The following WSCD2 variants were observed in gnomAD, a reference collection of about 807,000 sequenced individuals.
WSCD2 encodes WSC domain sialate O sulfotransferase 2.
In WSCD2, 28 loss-of-function variants were observed where a neutral mutation model predicts 55.7. The ratio of observed to expected loss-of-function variants is 0.50; its 90% confidence interval spans 0.37 to 0.69. WSCD2 has a LOEUF of 0.69. WSCD2 is among the 30% of genes least tolerant of loss of function. The probability of loss-of-function intolerance (pLI) is 0.00; values close to 1 mark genes in which losing one functional copy is unlikely to be tolerated. For synonymous variants in WSCD2, 301 were observed against 301.9 expected, an observed-to-expected ratio of 1.00 and a Z score of 0.03; for missense variants, 616 against 762.1, an observed-to-expected ratio of 0.81 and a Z score of 2.26.
chr12:108,230,113 G>T (rs1888585603), intron 6 of WSCD2, among the ~76,000 whole-genome samples: 1 of 152,148 alleles, frequency 6.6e-6, no homozygotes, highest in Non-Finnish European at 1.5e-5. Context: ...GCTTTCTGAA[G>T]TAACACTTCC....
intron 1 of WSCD2, among the ~76,000 whole-genome samples, chr12:108,156,972 T>C (rs2136928736): frequency 6.6e-6 from 1 of 152,368 alleles, no homozygotes; most frequent in Admixed American, 6.5e-5. Context: ...TTGGAACCTC[T>C]GGCTTGTTCC....
chr12:108,161,862 G>GGGC (rs1187065987), intron 1 of WSCD2, among the ~76,000 whole-genome samples: 1 of 152,144 alleles, frequency 6.6e-6, no homozygotes, highest in African/African-American at 2.4e-5. Context: ...TTCCCACTCT[G>GGGC]GGCCCTCAGT....
intron 1 of WSCD2, among the ~76,000 whole-genome samples, chr12:108,173,285 G>A (rs956569431): frequency 2.6e-5 from 4 of 152,176 alleles, no homozygotes; most frequent in Non-Finnish European, 4.4e-5. Context: ...GAGCAGGTGC[G>A]GAGCCTCAGA....
intron 1 of WSCD2, among the ~76,000 whole-genome samples, chr12:108,152,026 G>T (rs936921695): frequency 6.6e-6 from 1 of 152,176 alleles, no homozygotes; most frequent in Admixed American, 6.5e-5. Context: ...TGCTCTCCTG[G>T]ATCCAGCTCC....
intron 1 of WSCD2, among the ~76,000 whole-genome samples, chr12:108,175,566 T>C (rs1296167523): frequency 6.6e-6 from 1 of 152,222 alleles, no homozygotes; most frequent in Non-Finnish European, 1.5e-5. Context: ...GAAAGAACCC[T>C]GTGGCTGGTA....
At position 108,141,389 on chromosome 12, in the gene WSCD2, C is replaced by A. The variant is rs1419150451; in HGVS notation, c.-552+11463C>A. On this transcript the variant is annotated intron_variant, in intron 1 of 8. Coordinates refer to ENST00000547525, the MANE Select transcript of WSCD2 (RefSeq NM_014653.4). ...TAGCTGGGACTACAGATGGCCACCA[C>A]CATCCCCGGTTCTAAACAATACAAA... 3.3e-5 allele frequency among the ~76,000 whole-genome samples: 5 copies of A among 152,292 alleles called. No individual in the cohort carries two copies. In the South Asian group the frequency reaches 8.3e-4, roughly 25 times the overall value.
intron 4 of WSCD2, among the ~76,000 whole-genome samples, chr12:108,212,611 T>TCACACACAGACA (rs1290412170): frequency 1.6e-4 from 18 of 110,722 alleles, no homozygotes; most frequent in African/African-American, 6.4e-4. Flanking sequence ...TCTCTCTCTC[T>TCACACACAGACA]CTCACACACA....
chr12:108,164,517 T>C (rs1431403242), intron 1 of WSCD2, among the ~76,000 whole-genome samples: 1 of 152,130 alleles, frequency 6.6e-6, no homozygotes, highest in African/African-American at 2.4e-5. Flanking sequence ...TAATCCTTTC[T>C]CCTTTTGAAG....
At chr12:108,184,102 G>A (rs1303391611) in intron 1 of WSCD2, among the ~76,000 whole-genome samples, 1 of 152,162 alleles carries the variant, frequency 6.6e-6, no homozygotes, top group Non-Finnish European at 1.5e-5. Flanking sequence ...TTAGGCCTCA[G>A]TTACCCCATA....
chr12:108,206,409 G>T lies in WSCD2; in HGVS notation c.497+6G>T, dbSNP rs755521262. 2.5e-6 allele frequency: 4 copies of T among 1,613,596 alleles called. No individual in the cohort carries two copies. The highest frequency in any genetic ancestry group is 2.5e-6 in the Non-Finnish European group (3 of 1,179,540). Reference sequence around the variant, plus strand: ...CAGGACAACTGTGCTGAACGGTAGGGTCCCAGCATCCCAGACTTGTCCATT... The same window carrying T: ...CAGGACAACTGTGCTGAACGGTAGGTTCCCAGCATCCCAGACTTGTCCATT... On this transcript the variant is annotated splice_donor_region_variant and intron_variant, in intron 3 of 8. Transcript: ENST00000547525.
chr12:108,134,725 G>A (rs1875994416), intron 1 of WSCD2, among the ~76,000 whole-genome samples: 1 of 152,118 alleles, frequency 6.6e-6, no homozygotes, highest in Non-Finnish European at 1.5e-5. Flanking sequence ...CACTGTTGGT[G>A]TCCCATTCGT....
intron 2 of WSCD2, among the ~76,000 whole-genome samples, chr12:108,199,345 G>C (rs1446571083): frequency 1.3e-5 from 2 of 152,188 alleles, no homozygotes; most frequent in African/African-American, 4.8e-5. Context: ...AGTGGGAGGG[G>C]AGGAGCTGCA....
At position 108,248,371 on chromosome 12, in the gene WSCD2, G is replaced by A. The variant is rs760690327; in HGVS notation, c.*28G>A. 4 of 1,592,576 alleles carry A rather than the reference G, an allele frequency of 2.5e-6. No homozygotes were observed. Among genetic ancestry groups the A allele is most frequent in the Admixed American group, 1.7e-5 (1 of 59,052 alleles). Reference sequence around the variant, plus strand: ...CGTCCACACAGGGGGAGGGTAGACTGGGAGTCCTGACCACGCAGGCCCTGG... The same window carrying A: ...CGTCCACACAGGGGGAGGGTAGACTAGGAGTCCTGACCACGCAGGCCCTGG... On this transcript the variant is annotated 3_prime_UTR_variant, in exon 9 of 9. Transcript: ENST00000547525. The surrounding 1 kb of genome is among the most constrained non-coding windows in gnomAD (Gnocchi z 4.3).
intron 4 of WSCD2, among the ~76,000 whole-genome samples, chr12:108,215,097 G>C (rs1240870771): frequency 6.6e-6 from 1 of 152,208 alleles, no homozygotes; most frequent in African/African-American, 2.4e-5. Context: ...TGGGAGCCCT[G>C]AATTTCATAA....
intron 1 of WSCD2, among the ~76,000 whole-genome samples, chr12:108,153,702 G>A (rs567062434): frequency 6.6e-6 from 1 of 152,200 alleles, no homozygotes; most frequent in Non-Finnish European, 1.5e-5. Flanking sequence ...CAACCCTGGT[G>A]GCTGCACAGA....
intron 4 of WSCD2, among the ~76,000 whole-genome samples, chr12:108,220,012 CAG>C (rs1396785546): frequency 6.6e-6 from 1 of 152,180 alleles, no homozygotes; most frequent in East Asian, 1.9e-4. Context: ...TGGTGAAAAG[CAG>C]AGTGGACACG....
chr12:108,218,509 T>C (rs1354420561), intron 4 of WSCD2, among the ~76,000 whole-genome samples: 2 of 152,152 alleles, frequency 1.3e-5, no homozygotes, highest in Non-Finnish European at 2.9e-5. Context: ...GACCCATCAG[T>C]GGACTGAGCC....
intron 1 of WSCD2, among the ~76,000 whole-genome samples, chr12:108,184,239 G>A (rs1304875446): frequency 6.6e-6 from 1 of 152,154 alleles, no homozygotes; most frequent in African/African-American, 2.4e-5. Flanking sequence ...AGGGCACAAG[G>A]TTCTCCGGGA....
At chr12:108,235,647 A>T (rs1889195251) in intron 7 of WSCD2, among the ~76,000 whole-genome samples, 1 of 152,084 alleles carries the variant, frequency 6.6e-6, no homozygotes, top group South Asian at 2.1e-4. Flanking sequence ...GATTTAAAAG[A>T]AAAAAAAGAA....
Sources: gnomAD v4.1 joint callset for allele counts (sites outside exome capture counted in the v4.1 genomes callset) on GRCh38, gnomAD v4.1.1 for gene constraint, Gnocchi (gnomAD v3.1) non-coding constraint, MANE v1.5 for transcripts, NCBI Gene and HGNC (gene_info 2026-07-23, HGNC 2026-07-21) for gene names.